ZNF723: variants seen among roughly 807,000 people sequenced by gnomAD.
ZNF723 encodes zinc finger protein 723.
In ZNF723, 5 loss-of-function variants were observed where a neutral mutation model predicts 9.4. The observed-to-expected ratio is 0.53, with a 90% CI of 0.28 to 1.12. ZNF723 has a LOEUF of 1.12. ZNF723 is among the 50% of genes most tolerant of loss of function. The probability of loss-of-function intolerance (pLI) is 0.10; values close to 1 mark genes in which losing one functional copy is unlikely to be tolerated. For missense variants in ZNF723, 450 were observed against 501.5 expected (o/e 0.90, Z 0.98); for synonymous variants, 158 against 168.8 (o/e 0.94, Z 0.49).
chr19:22,825,362 G>A, the ZNF723 span, among the ~76,000 whole-genome samples: 1 of 152,172 alleles, frequency 6.6e-6, no homozygotes, highest in Non-Finnish European at 1.5e-5. Flanking sequence ...CATAACTAAA[G>A]CTGAGACATG....
At chr19:22,850,844 G>A (rs1348936751) in intron 3 of ZNF723, among the ~76,000 whole-genome samples, 2 of 151,696 alleles carry the variant, frequency 1.3e-5, no homozygotes, top group African/African-American at 4.8e-5. Context: ...TGTTTCACAT[G>A]CTTTCTACAA....
At chr19:22,843,047 A>G (rs1309977045) in intron 1 of ZNF723, among the ~76,000 whole-genome samples, 2 of 152,200 alleles carry the variant, frequency 1.3e-5, no homozygotes, top group African/African-American at 4.8e-5. Context: ...TAGAAAGGTG[A>G]TAATGTATCC....
At chr19:22,854,988 A>C (rs933510313) in intron 3 of ZNF723, among the ~76,000 whole-genome samples, 5 of 152,116 alleles carry the variant, frequency 3.3e-5, no homozygotes, top group Admixed American at 2.0e-4. Context: ...TGGAGGTCAC[A>C]GTGAGCTGAG....
intron 1 of ZNF723, among the ~76,000 whole-genome samples, chr19:22,833,641 A>G (rs1249653056): frequency 1.3e-5 from 2 of 150,794 alleles, no homozygotes; most frequent in Admixed American, 1.3e-4. Context: ...ACAGAGTCTC[A>G]CTCTGTTGCC....
At chr19:22,854,758 G>A (rs1967448747) in intron 3 of ZNF723, among the ~76,000 whole-genome samples, 5 of 151,970 alleles carry the variant, frequency 3.3e-5, no homozygotes, top group Admixed American at 3.3e-4. Context: ...ATACGAAAAT[G>A]TTTCTTTGGC....
At chr19:22,816,728 A>AT in the ZNF723 span, among the ~76,000 whole-genome samples, 1 of 152,254 alleles carries the variant, frequency 6.6e-6, no homozygotes, top group Non-Finnish European at 1.5e-5. Context: ...CATAGAGAGA[A>AT]TTTTGACATA....
At chr19:22,815,881 C>T in the ZNF723 span, among the ~76,000 whole-genome samples, 114 of 152,296 alleles carry the variant, frequency 7.5e-4, no homozygotes, top group Middle Eastern at 3.4e-3. Flanking sequence ...AAGACTGTCA[C>T]CCTGACACAA....
chr19:22,853,381 A>T (rs1480277732), intron 3 of ZNF723, among the ~76,000 whole-genome samples: 1 of 152,138 alleles, frequency 6.6e-6, no homozygotes, highest in African/African-American at 2.4e-5. Flanking sequence ...AAATATCATT[A>T]AATCTGTAGA....
chr19:22,816,461 A>G, the ZNF723 span, among the ~76,000 whole-genome samples: 11 of 152,346 alleles, frequency 7.2e-5, no homozygotes, highest in Middle Eastern at 3.4e-3. Flanking sequence ...CAGATTCAGT[A>G]AACTGTTGAG....
the ZNF723 span, among the ~76,000 whole-genome samples, chr19:22,819,423 G>A: frequency 2.6e-5 from 4 of 152,050 alleles, no homozygotes; most frequent in Non-Finnish European, 4.4e-5. Flanking sequence ...TCTTCCTCCT[G>A]GTCACTGCTC....
chr19:22,822,912 G>A, the ZNF723 span, among the ~76,000 whole-genome samples: 256 of 152,250 alleles, frequency 1.7e-3, 1 homozygote, highest in African/African-American at 5.6e-3. Context: ...CAACAATGAG[G>A]GCTGTCATTC....
chr19:22,837,908 A>G (rs552630795), intron 1 of ZNF723, among the ~76,000 whole-genome samples: 3 of 151,990 alleles, frequency 2.0e-5, no homozygotes, highest in East Asian at 3.9e-4. Flanking sequence ...TTCTCCACCA[A>G]CTTGGGGTTC....
chr19:22,849,116 A>ATATACTATTCATGAATATAC, intron 2 of ZNF723, 82 bp from the exon 3 acceptor site: 1 of 452,002 alleles, frequency 2.2e-6, no homozygotes, highest in Non-Finnish European at 4.0e-6. Context: ...ATATACTAGA[A>ATATACTATTCATGAATATAC]TATTCTATTA....
the ZNF723 span, among the ~76,000 whole-genome samples, chr19:22,826,246 C>T: frequency 1.3e-5 from 2 of 152,168 alleles, no homozygotes; most frequent in African/African-American, 4.8e-5. Flanking sequence ...GTCCAGTGCC[C>T]AGGGGATGTG....
At chr19:22,816,673 C>T in the ZNF723 span, among the ~76,000 whole-genome samples, 1 of 148,070 alleles carries the variant, frequency 6.8e-6, no homozygotes, top group Admixed American at 6.7e-5. Context: ...TTGCTGCATC[C>T]AGCATTTAGT....
At chr19:22,813,076 C>T in the ZNF723 span, among the ~76,000 whole-genome samples, 82 of 152,156 alleles carry the variant, frequency 5.4e-4, no homozygotes, top group Non-Finnish European at 2.8e-4. Flanking sequence ...TGGGTTCAAG[C>T]GATTCTCTTG....
chr19:22,823,472 T>C, the ZNF723 span, among the ~76,000 whole-genome samples: 1 of 152,198 alleles, frequency 6.6e-6, no homozygotes, highest in Admixed American at 6.5e-5. Flanking sequence ...GGACACAGTC[T>C]AAGAATTGAG....
intron 1 of ZNF723, among the ~76,000 whole-genome samples, chr19:22,837,478 T>C (rs141300807): frequency 6.6e-6 from 1 of 152,090 alleles, no homozygotes; most frequent in African/African-American, 2.4e-5. Flanking sequence ...GAAGAATTGT[T>C]TGGTGTTAAC....
At chr19:22,814,448 G>A in the ZNF723 span, among the ~76,000 whole-genome samples, 1 of 152,150 alleles carries the variant, frequency 6.6e-6, no homozygotes, top group Admixed American at 6.5e-5. Flanking sequence ...GCTGAAAGTT[G>A]GAAAATTGAA....
Sources: allele counts gnomAD v4.1 joint callset (sites outside exome capture counted in the v4.1 genomes callset), GRCh38; gene constraint gnomAD v4.1.1; transcripts MANE v1.5; gene names NCBI Gene and HGNC (gene_info 2026-07-23, HGNC 2026-07-21).